NIBAN1: variants seen among roughly 807,000 people sequenced by gnomAD.
NIBAN1 encodes the protein protein Niban 1.
In NIBAN1, 81 loss-of-function variants were observed where a neutral mutation model predicts 75.1. The ratio of observed to expected loss-of-function variants is 1.08; its 90% CI spans 0.90 to 1.30. The LOEUF (loss-of-function observed/expected upper bound fraction) is 1.30. Ranked by LOEUF, NIBAN1 falls within the 50% of genes most tolerant of loss-of-function variation. NIBAN1 has a pLI of 0.00. For synonymous variants in NIBAN1, 436 were observed against 424.8 expected, an observed-to-expected ratio of 1.03 and a Z score of -0.32; for missense variants, 1,133 against 1,128.1, an observed-to-expected ratio of 1.00 and a Z score of -0.06.
intron 9 of NIBAN1, among the ~76,000 whole-genome samples, chr1:184,809,607 GTA>G (rs566265897): frequency 6.1e-5 from 9 of 147,502 alleles, no homozygotes; most frequent in East Asian, 6.0e-4. Flanking sequence ...ATATGTGTGT[GTA>G]TATATATATA....
chr1:184,932,871 A>G (rs1439135190), intron 1 of NIBAN1, among the ~76,000 whole-genome samples: 1 of 152,204 alleles, frequency 6.6e-6, no homozygotes, highest in Non-Finnish European at 1.5e-5. Context: ...TAGTGAGTAG[A>G]AAAACTATCT....
rs577659334 is a variant in NIBAN1 at position 184,947,599 on chromosome 1, T to C, written c.55+26703A>G. ...CTGGCTTTGACCAAATAATCCTGGG[T>C]TTGAAGCCCAGATTCCTGTATATTG... On this transcript the variant is annotated intron_variant, in intron 1 of 13. Coordinates refer to ENST00000367511, the MANE Select transcript of NIBAN1 (RefSeq NM_052966.4). Among the ~76,000 whole-genome samples, 7 of 152,298 alleles carry C rather than the reference T, an allele frequency of 4.6e-5. No homozygotes were observed. The East Asian group carries it at 1.3e-3, about 29-fold the overall frequency.
intron 1 of NIBAN1, among the ~76,000 whole-genome samples, chr1:184,901,867 A>G (rs1008958335): frequency 6.6e-6 from 1 of 152,228 alleles, no homozygotes; most frequent in Admixed American, 6.5e-5. Context: ...TAGCGCTTAT[A>G]AAGAAGCAAT....
rs1175253676 is a variant in NIBAN1 at position 184,792,156 on chromosome 1, G to A, written c.*2821C>T. On this transcript the variant is annotated 3_prime_UTR_variant, in exon 14 of 14. Coordinates refer to ENST00000367511, the MANE Select transcript of NIBAN1 (RefSeq NM_052966.4). Reference sequence around the variant, plus strand: ...AGATCTTGCTATGTTTCCCAGGCTTGTCTAGAACTCCTGGGCTCAAGTGAC... The same window carrying A: ...AGATCTTGCTATGTTTCCCAGGCTTATCTAGAACTCCTGGGCTCAAGTGAC... The A allele has an allele frequency of 6.6e-6, 1 of 152,198 alleles. No individual in the cohort carries two copies. The highest frequency in any genetic ancestry group is 1.5e-5 in the Non-Finnish European group (1 of 68,072). 9.4% of individuals were successfully genotyped at this position (152,198 alleles called of 1,614,324 possible).
At chr1:184,864,034 G>T (rs1001780585) in intron 5 of NIBAN1, among the ~76,000 whole-genome samples, 1 of 152,172 alleles carries the variant, frequency 6.6e-6, no homozygotes, top group Non-Finnish European at 1.5e-5. Context: ...TGTAGCAGGA[G>T]AAACTGAATA....
intron 5 of NIBAN1, among the ~76,000 whole-genome samples, chr1:184,854,514 C>A (rs845627): frequency 0.58 from 87,731 of 151,980 alleles, 25,669 homozygotes; most frequent in African/African-American, 0.66. Flanking sequence ...AGACCCTTGA[C>A]AATTATATCT....
chr1:184,795,779 T>A lies in NIBAN1; in HGVS notation c.1985A>T (p.Asp662Val). The change falls in exon 14 of 14, where the codon GAC becomes GTC. Residue 662 changes from aspartate (D) to valine (V), a missense_variant. Coordinates refer to ENST00000367511, the MANE Select transcript of NIBAN1 (RefSeq NM_052966.4). ...TEQVIISRVD[D>V]PVVNPVATED... ...TGTTGCCACAGGATTCACCACGGGG[T>A]CATCCACTCTTGAAATAATCACCTG... 1 of 1,611,264 alleles carries A rather than the reference T, an allele frequency of 6.2e-7. No individual in the cohort carries two copies. Among genetic ancestry groups the A allele is most frequent in the African/African-American group, 1.3e-5 (1 of 74,942 alleles).
chr1:184,904,281 G>A (rs749202719), intron 1 of NIBAN1, among the ~76,000 whole-genome samples: 8 of 151,938 alleles, frequency 5.3e-5, no homozygotes, highest in Non-Finnish European at 7.4e-5. Flanking sequence ...CACCCGCCTC[G>A]ACTCCCATAG....
chr1:184,821,652 T>C (rs1654706112), intron 8 of NIBAN1, among the ~76,000 whole-genome samples: 1 of 152,212 alleles, frequency 6.6e-6, no homozygotes, highest in Non-Finnish European at 1.5e-5. Context: ...TGAGAACGGC[T>C]ACAGTTAGGC....
In NIBAN1 at chr1:184,796,078, G is replaced by C; in HGVS notation, c.1686C>G (p.Ile562Met). 6.5e-7 allele frequency: 1 copy of C among 1,544,620 alleles called. No homozygotes were observed. Among genetic ancestry groups the C allele is most frequent in the African/African-American group, 1.4e-5 (1 of 72,226 alleles). The change falls in exon 14 of 14, where the codon ATC (isoleucine) becomes ATG (methionine). Residue 562 changes from isoleucine to methionine, a missense_variant. Physicochemically the swap from Ile to Met is conservative, Grantham distance 10 (BLOSUM62 1). Transcript: ENST00000367511. ...CTTCAAATAAGTTGTGTTTCTTCAA[G>C]ATAGCAGCTTCCTTTATCACTGAGA... ...ETLKVIKEAA[I>M]LKKHNLFEDN...
At position 184,877,544 on chromosome 1, in the gene NIBAN1, C is replaced by T. The variant is rs373630636; in HGVS notation, c.601+7089G>A. ...CCAAGCATGATTCCCTCCCGTATCA[C>T]GTTCTCTAAGCTTGTTCATGGTATG... On this transcript the variant is annotated intron_variant, in intron 5 of 13. Coordinates refer to ENST00000367511, the MANE Select transcript of NIBAN1 (RefSeq NM_052966.4). Among the ~76,000 whole-genome samples, 6 of 152,152 alleles carry T rather than the reference C, an allele frequency of 3.9e-5. No individual in the cohort carries two copies. The East Asian group carries it at 7.7e-4, about 20-fold the overall frequency.
intron 9 of NIBAN1, among the ~76,000 whole-genome samples, chr1:184,816,860 AATT>A (rs140305141): frequency 1.3e-5 from 2 of 149,710 alleles, no homozygotes; most frequent in Non-Finnish European, 1.5e-5. Flanking sequence ...AAAAGGGGGG[AATT>A]ATTATTATTA....
At chr1:184,900,705 G>T (rs959852578) in intron 1 of NIBAN1, among the ~76,000 whole-genome samples, 1 of 152,106 alleles carries the variant, frequency 6.6e-6, no homozygotes, top group African/African-American at 2.4e-5. Flanking sequence ...GAAAGGGTGG[G>T]TGTAGGAGCA....
At chr1:184,862,121 A>G (rs1313275399) in intron 5 of NIBAN1, among the ~76,000 whole-genome samples, 1 of 152,168 alleles carries the variant, frequency 6.6e-6, no homozygotes, top group Non-Finnish European at 1.5e-5. Context: ...CAAAGTACAT[A>G]TTAGAAAAAT....
chr1:184,927,657 T>C (rs1041013358), intron 1 of NIBAN1, among the ~76,000 whole-genome samples: 2 of 152,094 alleles, frequency 1.3e-5, no homozygotes, highest in Non-Finnish European at 2.9e-5. Flanking sequence ...ACTGCCTGCC[T>C]ACGACCTATG....
intron 1 of NIBAN1, among the ~76,000 whole-genome samples, chr1:184,923,823 C>T (rs1263646042): frequency 2.6e-5 from 4 of 152,012 alleles, no homozygotes; most frequent in Non-Finnish European, 5.9e-5. Context: ...ATTTTATTAG[C>T]ATCTATTATA....
In NIBAN1 at chr1:184,791,275, C is replaced by T. The variant is rs1359371033; in HGVS notation, c.*3702G>A. The T allele has an allele frequency of 4.4e-6, 1 of 226,104 alleles. No homozygotes were observed. The highest frequency in any genetic ancestry group is 9.1e-6 in the Non-Finnish European group (1 of 109,654). 14.0% of individuals were successfully genotyped at this position (226,104 alleles called of 1,614,324 possible). A position where few individuals can be genotyped will look rare whatever the true frequency, so the allele number is the denominator to read the frequency against. On this transcript the variant is annotated 3_prime_UTR_variant, in exon 14 of 14. Coordinates refer to ENST00000367511, the MANE Select transcript of NIBAN1 (RefSeq NM_052966.4). The stretch of plus-strand genomic sequence containing the variant: ...ATACTATTATTAAGTCAATGATGTC[C>T]TTCCCTTCTTCACATCAAAATTGCT...
intron 1 of NIBAN1, among the ~76,000 whole-genome samples, chr1:184,908,545 A>G (rs889167357): frequency 7.9e-5 from 12 of 152,050 alleles, no homozygotes; most frequent in Non-Finnish European, 1.6e-4. Context: ...CCTTTCTAGA[A>G]CTCTAAGACC....
chr1:184,901,067 C>T lies in NIBAN1; in HGVS notation c.56-1758G>A, dbSNP rs983256425. On this transcript the variant is annotated intron_variant, in intron 1 of 13. Transcript: ENST00000367511. The stretch of plus-strand genomic sequence containing the variant: ...GGAAAGCCTTGAATCCATAGCAACC[C>T]GTTTCTAAGCCTATAGAACCATAGC... Among the ~76,000 whole-genome samples, 10 of 152,056 alleles carry T rather than the reference C, an allele frequency of 6.6e-5. No individual in the cohort carries two copies. The East Asian group carries it at 1.5e-3, about 23-fold the overall frequency.
Sources: allele counts gnomAD v4.1 joint callset (sites outside exome capture counted in the v4.1 genomes callset), GRCh38; gene constraint gnomAD v4.1.1; transcripts MANE v1.5; gene names NCBI Gene and HGNC (gene_info 2026-07-23, HGNC 2026-07-21).